The following PKNOX2 variants were observed in gnomAD, a reference collection of about 807,000 sequenced individuals.
The protein encoded by PKNOX2 is homeobox protein PKNOX2.
Under a neutral mutation model 53.1 loss-of-function variants are expected in PKNOX2, and 14 were observed. The ratio of observed to expected loss-of-function variants is 0.26; its 90% CI spans 0.17 to 0.41. PKNOX2 has a LOEUF of 0.41. Among genes scored for constraint, PKNOX2 ranks in the 10% least tolerant of loss-of-function variants. PKNOX2 has a pLI of 1.00. For synonymous variants in PKNOX2, 257 were observed against 242.8 expected, an observed-to-expected ratio of 1.06 and a Z score of -0.54; for missense variants, 496 against 602.8, an observed-to-expected ratio of 0.82 and a Z score of 1.85.
At chr11:125,230,916 CTGTT>C (rs1465340096) in intron 1 of PKNOX2, among the ~76,000 whole-genome samples, 3 of 152,190 alleles carry the variant, frequency 2.0e-5, no homozygotes, top group Non-Finnish European at 4.4e-5. Context: ...AAACCTGAAA[CTGTT>C]TGACTCCAGC....
In PKNOX2 at chr11:125,419,442, G is replaced by GA. The variant is rs530096275; in HGVS notation, c.936+7586dup. Among the ~76,000 whole-genome samples the GA allele has an allele frequency of 3.0e-3, 222 of 72,900 alleles. 1 individual carries two copies. The highest frequency in any genetic ancestry group is 0.015 in the South Asian group (29 of 1,882). 47.8% of individuals were successfully genotyped at this position (72,900 alleles called of 152,430 possible). ...CCTATGGAGGAAAGCAAGAACCCCT[G>GA]AAAAAAAAAGAAAAAAAAAAAAAAC... On this transcript the variant is annotated intron_variant, in intron 10 of 12. Transcript: ENST00000298282.
At chr11:125,319,604 G>A (rs575558403) in intron 2 of PKNOX2, among the ~76,000 whole-genome samples, 41 of 152,314 alleles carry the variant, frequency 2.7e-4, no homozygotes, top group African/African-American at 8.9e-4. Context: ...GAGTTTTATA[G>A]CCTAATGGAG....
intron 2 of PKNOX2, among the ~76,000 whole-genome samples, chr11:125,299,792 C>A (rs1037545193): frequency 1.3e-5 from 2 of 152,176 alleles, no homozygotes; most frequent in Admixed American, 6.5e-5. Context: ...CGCATCCCCC[C>A]ACCGGGCTGC....
intron 2 of PKNOX2, among the ~76,000 whole-genome samples, chr11:125,274,119 G>A (rs1946001168): frequency 6.6e-6 from 1 of 152,180 alleles, no homozygotes; most frequent in Non-Finnish European, 1.5e-5. Flanking sequence ...TAAGTACTTT[G>A]CATTTATTCT....
chr11:125,354,471 G>T (rs1367882413), intron 4 of PKNOX2, among the ~76,000 whole-genome samples: 1 of 152,152 alleles, frequency 6.6e-6, no homozygotes, highest in African/African-American at 2.4e-5. Context: ...CAACAAATGG[G>T]CAGTCTCTGA....
chr11:125,283,693 T>G (rs1487291942), intron 2 of PKNOX2, among the ~76,000 whole-genome samples: 1 of 152,092 alleles, frequency 6.6e-6, no homozygotes, highest in Non-Finnish European at 1.5e-5. Context: ...AACAGAAGTG[T>G]CACTTAAAAA....
At chr11:125,169,488 G>A (rs1398323028) in intron 1 of PKNOX2, among the ~76,000 whole-genome samples, 2 of 152,170 alleles carry the variant, frequency 1.3e-5, no homozygotes, top group Non-Finnish European at 2.9e-5. Flanking sequence ...GATAATCAAG[G>A]TTGGCAGGTC....
chr11:125,429,065 C>T lies in PKNOX2; in HGVS notation c.990C>T (p.Leu330=), dbSNP rs549658804. ...EKRQIAAQTN[L]TLLQVNNWFI... ...GGCAGATCGCAGCCCAGACCAACCT[C>T]ACCCTCCTGCAAGTAAACAACTGGT... Residue 330 remains leucine (L), a synonymous_variant, in exon 11 of 13, where the codon CTC becomes CTT. Coordinates refer to ENST00000298282, the MANE Select transcript of PKNOX2 (RefSeq NM_001382323.2). The T allele has an allele frequency of 6.2e-7, 1 of 1,613,534 alleles. No individual in the cohort carries two copies. Among genetic ancestry groups the T allele is most frequent in the South Asian group, 1.1e-5 (1 of 91,064 alleles).
chr11:125,244,036 T>A (rs1214541558), intron 2 of PKNOX2, among the ~76,000 whole-genome samples: 2 of 152,112 alleles, frequency 1.3e-5, no homozygotes, highest in Non-Finnish European at 2.9e-5. Flanking sequence ...GATGGAAGGA[T>A]GAAAGATGAA....
Position 125,165,122 on chromosome 11 carries a change from TC to T in PKNOX2, c.-201+350del, listed in dbSNP as rs1261114082. ...TGCGAGAGCCCCGCGGGCCGCCCGC[TC>T]CCCTGCCCGGCCAGCGCTCAGCCCC... On this transcript the variant is annotated intron_variant, in intron 1 of 12. Coordinates refer to ENST00000298282, the MANE Select transcript of PKNOX2 (RefSeq NM_001382323.2). This position sits in a 1 kb window ranked among gnomAD's most constrained non-coding sequence, Gnocchi z 4.5. Among the ~76,000 whole-genome samples the T allele has an allele frequency of 6.8e-6, 1 of 146,842 alleles. No individual in the cohort carries two copies. Among genetic ancestry groups the T allele is most frequent in the East Asian group, 2.1e-4 (1 of 4,816 alleles).
At position 125,422,140 on chromosome 11, in the gene PKNOX2, G is replaced by A. The variant is rs1956203962; in HGVS notation, c.937-6872G>A. ...CCCCTATGATTCGTATTGGCCACAG[G>A]GAGTGACCCCTCGCTCCAAGTTGTT... On this transcript the variant is annotated intron_variant, in intron 10 of 12. Coordinates refer to ENST00000298282, the MANE Select transcript of PKNOX2 (RefSeq NM_001382323.2). This position sits in a 1 kb window ranked among gnomAD's most constrained non-coding sequence, Gnocchi z 4.1. Among the ~76,000 whole-genome samples the A allele has an allele frequency of 3.3e-5, 5 of 152,058 alleles. No individual in the cohort carries two copies. The South Asian group carries it at 1.0e-3, about 32-fold the overall frequency.
intron 2 of PKNOX2, among the ~76,000 whole-genome samples, chr11:125,241,344 G>A (rs533542493): frequency 1.3e-5 from 2 of 152,248 alleles, no homozygotes; most frequent in East Asian, 3.9e-4. Flanking sequence ...CAGCCTGGGC[G>A]GCCCTTGCTC....
chr11:125,379,957 T>C (rs1416836737), intron 5 of PKNOX2, among the ~76,000 whole-genome samples: 4 of 151,238 alleles, frequency 2.6e-5, no homozygotes, highest in Non-Finnish European at 4.4e-5. Flanking sequence ...TATCTTAAGT[T>C]TGATTTTAGT....
chr11:125,205,604 C>T lies in PKNOX2; in HGVS notation c.-200-29441C>T, dbSNP rs1342432680. On this transcript the variant is annotated intron_variant, in intron 1 of 12. Coordinates refer to ENST00000298282, the MANE Select transcript of PKNOX2 (RefSeq NM_001382323.2). ...GATAAGCAGAGACTGGGTTATAACC[C>T]TTTCAGCCCAAATATTCTATCTCTC... Among the ~76,000 whole-genome samples the T allele has an allele frequency of 3.3e-5, 5 of 152,180 alleles. No homozygotes were observed. In the East Asian group the frequency reaches 7.7e-4, roughly 23 times the overall value.
At chr11:125,418,920 G>A (rs537132565) in intron 10 of PKNOX2, among the ~76,000 whole-genome samples, 20 of 151,996 alleles carry the variant, frequency 1.3e-4, no homozygotes, top group East Asian at 3.9e-4. Flanking sequence ...TAAAATGTAC[G>A]GGAGGATGTT....
chr11:125,349,836 A>AACACACACACACAC (rs1951199693), intron 3 of PKNOX2, among the ~76,000 whole-genome samples: 1 of 88,784 alleles, frequency 1.1e-5, no homozygotes, highest in African/African-American at 3.9e-5. Flanking sequence ...AACCAAAAGA[A>AACACACACACACAC]TCACACACAC....
chr11:125,426,757 A>G (rs1331013312), intron 10 of PKNOX2, among the ~76,000 whole-genome samples: 1 of 152,210 alleles, frequency 6.6e-6, no homozygotes, highest in Non-Finnish European at 1.5e-5. Flanking sequence ...CTGGAAATAA[A>G]CAATGTCTAA....
At chr11:125,338,128 C>G (rs992114309) in intron 3 of PKNOX2, among the ~76,000 whole-genome samples, 1 of 152,212 alleles carries the variant, frequency 6.6e-6, no homozygotes, top group Non-Finnish European at 1.5e-5. Context: ...TCTCTGTCCC[C>G]CTTGGGGAGC....
At chr11:125,169,012 A>C (rs561801404) in intron 1 of PKNOX2, among the ~76,000 whole-genome samples, 68 of 152,286 alleles carry the variant, frequency 4.5e-4, no homozygotes, top group Middle Eastern at 6.8e-3. Flanking sequence ...AATTAGTTCG[A>C]GGAGGGTGAG....
Sources: allele counts gnomAD v4.1 joint callset (sites outside exome capture counted in the v4.1 genomes callset), GRCh38; gene constraint gnomAD v4.1.1; non-coding constraint Gnocchi (gnomAD v3.1); transcripts MANE v1.5; gene names NCBI Gene and HGNC (gene_info 2026-07-23, HGNC 2026-07-21).